PLEKHS1: variants seen among roughly 807,000 people sequenced by gnomAD.
PLEKHS1 encodes pleckstrin homology domain-containing family S member 1.
In PLEKHS1, 55 loss-of-function variants were observed where a neutral mutation model predicts 51.0. The ratio of observed to expected loss-of-function variants is 1.08; its 90% CI spans 0.87 to 1.35. The LOEUF (loss-of-function observed/expected upper bound fraction) is 1.35. Ranked by LOEUF, PLEKHS1 falls within the 40% of genes most tolerant of loss-of-function variation. The probability of loss-of-function intolerance (pLI) is 0.00; values close to 1 mark genes in which losing one functional copy is unlikely to be tolerated. For missense variants in PLEKHS1, 398 were observed against 423.0 expected (o/e 0.94, Z 0.52); for synonymous variants, 153 against 144.8 (o/e 1.06, Z -0.41).
intron 11 of PLEKHS1, chr10:113,777,973 G>A (rs1014202584): frequency 8.6e-6 from 3 of 346,932 alleles, no homozygotes; most frequent in Non-Finnish European, 1.6e-5. Flanking sequence ...CTGGAAGACA[G>A]AGCGAGACCC....
intron 3 of PLEKHS1, 43 bp downstream of exon 3, chr10:113,766,542 T>C (rs751758019): frequency 6.3e-7 from 1 of 1,581,984 alleles, no homozygotes. Flanking sequence ...ACCAGCCTCA[T>C]GAGCATTTTT....
intron 2 of PLEKHS1, among the ~76,000 whole-genome samples, chr10:113,756,992 C>T (rs1854150472): frequency 6.9e-6 from 1 of 145,284 alleles, no homozygotes; most frequent in South Asian, 2.3e-4. Flanking sequence ...TCTCAACTCA[C>T]TGCAACCTCT....
rs143933237 is a variant in PLEKHS1, at chr10:113,762,113, ATTTC to A, written c.29-4294_29-4291del. 6.8e-3 allele frequency among the ~76,000 whole-genome samples: 1,035 copies of A among 152,012 alleles called. 12 individuals are homozygous for A. Among genetic ancestry groups the A allele is most frequent in the African/African-American group, 0.024 (1,001 of 41,518 alleles). ...TTATTGGAATAAAGTTGTCTATAATATTTCTTTATTATCCTTTTAATATCAGTAG... is the reference window on the plus strand; with the variant it reads ...TTATTGGAATAAAGTTGTCTATAATATTTATTATCCTTTTAATATCAGTAG... On this transcript the variant is annotated intron_variant, in intron 2 of 11. Transcript: ENST00000361048.
chr10:113,758,898 T>C (rs1843793587), intron 2 of PLEKHS1, among the ~76,000 whole-genome samples: 1 of 152,142 alleles, frequency 6.6e-6, no homozygotes, highest in African/African-American at 2.4e-5. Flanking sequence ...GTTTGAGATA[T>C]TGCAAGAATT....
intron 1 of PLEKHS1, among the ~76,000 whole-genome samples, chr10:113,752,416 A>G (rs1853884144): frequency 6.6e-6 from 1 of 152,188 alleles, no homozygotes; most frequent in Admixed American, 6.5e-5. Flanking sequence ...GTACTCAAAA[A>G]ATGCTACCCA....
At chr10:113,760,911 A>C (rs1217418687) in intron 2 of PLEKHS1, among the ~76,000 whole-genome samples, 1 of 152,150 alleles carries the variant, frequency 6.6e-6, no homozygotes, top group African/African-American at 2.4e-5. Flanking sequence ...ATTTACACCT[A>C]TGTTTTCTAC....
At chr10:113,763,838 A>T (rs564822068) in intron 2 of PLEKHS1, among the ~76,000 whole-genome samples, 4 of 152,326 alleles carry the variant, frequency 2.6e-5, no homozygotes, top group African/African-American at 7.2e-5. Context: ...TTTCAATAAT[A>T]AGAAAATAAT....
chr10:113,777,562 T>G, intron 11 of PLEKHS1: 3 of 1,550,960 alleles, frequency 1.9e-6, no homozygotes, highest in Non-Finnish European at 2.6e-6. Context: ...AAACAGCTCC[T>G]TCAACCAATT....
At chr10:113,777,289 G>A (rs576483000) in intron 11 of PLEKHS1, 30 bp downstream of exon 12, 2 of 1,611,184 alleles carry the variant, frequency 1.2e-6, no homozygotes, top group African/African-American at 1.3e-5. Context: ...CCTGAACAGG[G>A]CAAATCAGTA....
At chr10:113,779,630 C>A (rs1377383957) in intron 11 of PLEKHS1, among the ~76,000 whole-genome samples, 3 of 151,238 alleles carry the variant, frequency 2.0e-5, no homozygotes, top group African/African-American at 7.3e-5. Context: ...AGCTTCTGAA[C>A]TCTTCTGAAA....
chr10:113,774,117 C>T, intron 8 of PLEKHS1, 110 bp from the exon 9 acceptor site: 1 of 649,686 alleles, frequency 1.5e-6, no homozygotes, highest in South Asian at 1.9e-5. Flanking sequence ...CGTTCATCCA[C>T]TGGAAACTGT....
chr10:113,780,771 C>T (rs1443745124), exon 12 of PLEKHS1: 1 of 1,552,650 alleles, frequency 6.4e-7, no homozygotes, highest in Non-Finnish European at 8.7e-7. Context: ...CAGAAAGGAG[C>T]CAGGGAGTAA....
intron 1 of PLEKHS1, among the ~76,000 whole-genome samples, chr10:113,752,168 G>A (rs1662295267): frequency 1.3e-5 from 2 of 152,158 alleles, no homozygotes; most frequent in Admixed American, 1.3e-4. Context: ...CAGCTCTCAA[G>A]CTAGAATTCT....
rs142162556 is a variant in PLEKHS1, at chr10:113,767,304, G to C, written c.225-41G>C. ...TATAAAATATTAGTTTTCTATTTCT[G>C]TATTTACCTTGGTTTAATACTTTGT... On this transcript the variant is annotated intron_variant, in intron 4 of 11. Transcript: ENST00000361048. The C allele has an allele frequency of 6.6e-4, 948 of 1,444,428 alleles. 7 individuals carry two copies. In the African/African-American group the frequency reaches 0.012, roughly 19 times the overall value. 89.5% of individuals were successfully genotyped at this position (1,444,428 alleles called of 1,614,324 possible).
intron 11 of PLEKHS1, among the ~76,000 whole-genome samples, chr10:113,776,513 C>T (rs531675897): frequency 6.6e-6 from 1 of 152,214 alleles, no homozygotes; most frequent in East Asian, 1.9e-4. Flanking sequence ...GGAAACACAC[C>T]TTCCATTTTT....
rs1554889354 is a variant in PLEKHS1 at position 113,768,869 on chromosome 10, AG to A, written c.415del (p.Ala139GlnfsTer48). On this transcript the variant is annotated frameshift_variant, in exon 6 of 12. Transcript: ENST00000361048. LOFTEE classifies it high-confidence loss of function. ...TGTCATCATTTCGCCAGGATATAAA[AG>A]CAACACAGCAGAACACAGAGGTGAC... 1.9e-6 allele frequency: 3 copies of A among 1,613,516 alleles called. No homozygotes were observed. The highest frequency in any genetic ancestry group is 2.5e-6 in the Non-Finnish European group (3 of 1,179,874).
At chr10:113,760,769 C>T (rs920856222) in intron 2 of PLEKHS1, among the ~76,000 whole-genome samples, 8 of 152,098 alleles carry the variant, frequency 5.3e-5, no homozygotes, top group Non-Finnish European at 1.0e-4. Flanking sequence ...GTAGTCTTTT[C>T]ACTTTCTTAA....
intron 2 of PLEKHS1, among the ~76,000 whole-genome samples, chr10:113,763,055 A>T (rs1207819241): frequency 6.6e-6 from 1 of 152,116 alleles, no homozygotes; most frequent in Admixed American, 6.5e-5. Flanking sequence ...TGAAATCTCT[A>T]TAATTGCGGA....
At chr10:113,772,085 T>C (rs763098700) in exon 8 of PLEKHS1, 1 of 1,612,166 alleles carries the variant, frequency 6.2e-7, no homozygotes, top group South Asian at 1.1e-5. Flanking sequence ...AGTGTTCTTT[T>C]AGAGGTAACC....
Sources: gnomAD v4.1 joint callset for allele counts (sites outside exome capture counted in the v4.1 genomes callset) on GRCh38, gnomAD v4.1.1 for gene constraint, MANE v1.5 for transcripts, NCBI Gene and HGNC (gene_info 2026-07-23, HGNC 2026-07-21) for gene names.